RAB27A: variants seen among roughly 807,000 people sequenced by gnomAD.
The protein encoded by RAB27A is ras-related protein Rab-27A.
Under a neutral mutation model 20.8 loss-of-function variants are expected in RAB27A, and 17 were observed. That is an observed-to-expected ratio of 0.82 (90% CI 0.56 to 1.23). RAB27A has a LOEUF of 1.23. RAB27A is among the 50% of genes most tolerant of loss of function. The pLI is 0.00. For synonymous variants in RAB27A, 85 were observed against 92.8 expected (o/e 0.92, Z 0.48); for missense variants, 277 against 266.7 (o/e 1.04, Z -0.27).
At chr15:55,316,825 G>A (rs1394976765) in intron 1 of RAB27A, among the ~76,000 whole-genome samples, 2 of 152,060 alleles carry the variant, frequency 1.3e-5, no homozygotes, top group South Asian at 2.1e-4. Flanking sequence ...TTTGATCTGA[G>A]CCATCCCAAC....
At chr15:55,310,922 CT>C (rs1343181190) in intron 2 of RAB27A, among the ~76,000 whole-genome samples, 1 of 152,202 alleles carries the variant, frequency 6.6e-6, no homozygotes, top group Non-Finnish European at 1.5e-5. Context: ...CTTCCTTTCC[CT>C]GTGTTACAGT....
intron 1 of RAB27A, among the ~76,000 whole-genome samples, chr15:55,275,988 G>A (rs28868019): frequency 0.046 from 6,851 of 149,518 alleles, 544 homozygotes; most frequent in African/African-American, 0.16. Context: ...AACCTTGTAC[G>A]CTGTTGGTGG....
intron 6 of RAB27A, among the ~76,000 whole-genome samples, chr15:55,218,931 G>A (rs889270822): frequency 4.0e-5 from 6 of 151,812 alleles, no homozygotes; most frequent in East Asian, 3.9e-4. Flanking sequence ...TTGTAGAGAC[G>A]GGGTTTCACC....
chr15:55,240,013 G>T (rs2444039), intron 2 of RAB27A, among the ~76,000 whole-genome samples: 52,664 of 151,824 alleles, frequency 0.35, 10,194 homozygotes, highest in East Asian at 0.72. Context: ...AAGTCCATAC[G>T]TGGCTTTCTC....
At chr15:55,273,408 C>CAAA (rs538573721) in intron 1 of RAB27A, among the ~76,000 whole-genome samples, 2 of 109,694 alleles carry the variant, frequency 1.8e-5, no homozygotes, top group African/African-American at 3.5e-5. Flanking sequence ...GACTCCATCT[C>CAAA]AAAAAAAAAA....
intron 1 of RAB27A, among the ~76,000 whole-genome samples, chr15:55,282,009 A>G (rs1369509112): frequency 6.6e-6 from 1 of 152,190 alleles, no homozygotes; most frequent in African/African-American, 2.4e-5. Flanking sequence ...TGGAACAGAA[A>G]AGTAGCAGTA....
chr15:55,216,392 G>C (rs1252665677), intron 6 of RAB27A, among the ~76,000 whole-genome samples: 1 of 152,012 alleles, frequency 6.6e-6, no homozygotes, highest in African/African-American at 2.4e-5. Flanking sequence ...AATTAGCTGG[G>C]CATGGTGGCA....
chr15:55,223,864 T>TA, intron 6 of RAB27A, 25 bp downstream of exon 6: 2 of 1,611,844 alleles, frequency 1.2e-6, no homozygotes, highest in Non-Finnish European at 8.5e-7. Flanking sequence ...ATGTTTTCTC[T>TA]AGACTTCTCC....
At chr15:55,252,924 A>T (rs888604989) in intron 2 of RAB27A, among the ~76,000 whole-genome samples, 5 of 151,532 alleles carry the variant, frequency 3.3e-5, no homozygotes, top group Admixed American at 1.3e-4. Context: ...CACGAGGTCA[A>T]GAGATCGAGA....
chr15:55,294,449 G>T (rs564645742), upstream of RAB27A, among the ~76,000 whole-genome samples: 1 of 151,878 alleles, frequency 6.6e-6, no homozygotes, highest in African/African-American at 2.4e-5. Context: ...TTAGCCAGAC[G>T]TGGTGGCTTG....
At chr15:55,215,908 G>A (rs920003930) in intron 6 of RAB27A, among the ~76,000 whole-genome samples, 1 of 141,104 alleles carries the variant, frequency 7.1e-6, no homozygotes, top group Admixed American at 7.6e-5. Context: ...ATCGTGCTAC[G>A]GCACTCAAGG....
rs374754839 is a variant in RAB27A at position 55,211,294 on chromosome 15, A to AT, written c.468-5590dup. On this transcript the variant is annotated intron_variant, in intron 6 of 6. Coordinates refer to ENST00000336787, the MANE Select transcript of RAB27A (RefSeq NM_183235.3). The stretch of plus-strand genomic sequence containing the variant: ...ATTTTTTTCGATATTTGTGAAGAAT[A>AT]TTATTGGTATTTTGATAGGGATTGC... 2.8e-4 allele frequency among the ~76,000 whole-genome samples: 42 copies of AT among 152,216 alleles called. 1 individual carries two copies. In the East Asian group the frequency reaches 8.1e-3, roughly 29 times the overall value.
At chr15:55,298,885 G>T (rs917622461) in intron 2 of RAB27A, among the ~76,000 whole-genome samples, 2 of 152,298 alleles carry the variant, frequency 1.3e-5, no homozygotes, top group Middle Eastern at 3.4e-3. Flanking sequence ...GCTCTGTTCT[G>T]CCTGGCTCAC....
In RAB27A at chr15:55,228,588, C is replaced by T. The variant is rs771670308; in HGVS notation, c.343+21G>A. 14 of 1,529,166 alleles carry T rather than the reference C, an allele frequency of 9.2e-6. No homozygotes were observed. The Admixed American group carries it at 1.0e-4, about 11-fold the overall frequency. The allele number at this position is 1,529,166 out of a possible 1,614,324, so 94.7% of individuals were successfully genotyped here. On this transcript the variant is annotated intron_variant, in intron 5 of 6. Transcript: ENST00000336787. The stretch of plus-strand genomic sequence containing the variant: ...TAAGAGGGGACTGTGTAGCAGGACA[C>T]TGGGGAACAATAACACTTACTTATC...
chr15:55,222,923 G>A (rs1399943711), intron 6 of RAB27A, among the ~76,000 whole-genome samples: 1 of 152,114 alleles, frequency 6.6e-6, no homozygotes, highest in African/African-American at 2.4e-5. Context: ...ATTCCTTTTA[G>A]AGGCACCCTT....
chr15:55,264,132 A>T (rs1332453293), intron 2 of RAB27A, among the ~76,000 whole-genome samples: 1 of 152,042 alleles, frequency 6.6e-6, no homozygotes, highest in Non-Finnish European at 1.5e-5. Flanking sequence ...GCTCATTGCA[A>T]CCTCTGCCTC....
At chr15:55,211,904 A>G (rs9920136) in intron 6 of RAB27A, among the ~76,000 whole-genome samples, 40,388 of 151,382 alleles carry the variant, frequency 0.27, 7,010 homozygotes, top group African/African-American at 0.49. Context: ...AAAACTGGGT[A>G]AATTCAAATT....
At chr15:55,283,228 G>A (rs1202836571) in intron 1 of RAB27A, among the ~76,000 whole-genome samples, 1 of 152,128 alleles carries the variant, frequency 6.6e-6, no homozygotes, top group African/African-American at 2.4e-5. Context: ...TAACTCCCCA[G>A]CTGTGACAGT....
At chr15:55,218,236 T>C (rs1895405538) in intron 6 of RAB27A, among the ~76,000 whole-genome samples, 1 of 151,920 alleles carries the variant, frequency 6.6e-6, no homozygotes, top group Admixed American at 6.5e-5. Context: ...TGGATGCTAA[T>C]TGAACAACAT....
Sources: allele counts gnomAD v4.1 joint callset (sites outside exome capture counted in the v4.1 genomes callset), GRCh38; gene constraint gnomAD v4.1.1; transcripts MANE v1.5; gene names NCBI Gene and HGNC (gene_info 2026-07-23, HGNC 2026-07-21).